The following MARCHF1 variants were observed in gnomAD, a reference collection of about 807,000 sequenced individuals.
The protein encoded by MARCHF1 is E3 ubiquitin-protein ligase MARCHF1.
A neutral mutation model predicts 54.2 loss-of-function variants in MARCHF1; 40 were observed. That is an observed-to-expected ratio of 0.74 (90% CI 0.57 to 0.96). The LOEUF (loss-of-function observed/expected upper bound fraction) is 0.96. MARCHF1 is among the 40% of genes least tolerant of loss of function. MARCHF1 has a pLI of 0.00. For synonymous variants in MARCHF1, 236 were observed against 236.3 expected, an observed-to-expected ratio of 1.00 and a Z score of 0.01; for missense variants, 586 against 656.5, an observed-to-expected ratio of 0.89 and a Z score of 1.17.
chr4:163,906,325 A>T (rs901425370), intron 3 of MARCHF1, among the ~76,000 whole-genome samples: 1 of 152,022 alleles, frequency 6.6e-6, no homozygotes, highest in African/African-American at 2.4e-5. Context: ...GAATATGGGA[A>T]ATGTCCAGGC....
chr4:163,753,617 A>C (rs1199980007), intron 4 of MARCHF1, among the ~76,000 whole-genome samples: 1 of 152,134 alleles, frequency 6.6e-6, no homozygotes, highest in Non-Finnish European at 1.5e-5. Context: ...TCATGGCTGG[A>C]CCTAAAGACG....
At chr4:163,607,607 A>G (rs938354067) in intron 7 of MARCHF1, among the ~76,000 whole-genome samples, 1 of 152,116 alleles carries the variant, frequency 6.6e-6, no homozygotes, top group Admixed American at 6.6e-5. Context: ...AAGTACAGGA[A>G]TGTAACCTAG....
At chr4:164,112,190 A>G (rs1755846160) in intron 1 of MARCHF1, among the ~76,000 whole-genome samples, 1 of 151,906 alleles carries the variant, frequency 6.6e-6, no homozygotes, top group Admixed American at 6.6e-5. Context: ...TTGGATCCTT[A>G]TGTAATCTAA....
chr4:164,026,517 AT>A (rs777515918), intron 2 of MARCHF1, among the ~76,000 whole-genome samples: 35 of 152,000 alleles, frequency 2.3e-4, no homozygotes, highest in South Asian at 4.1e-4. Flanking sequence ...ACACAAAAAA[AT>A]ATTTCAATAA....
intron 3 of MARCHF1, among the ~76,000 whole-genome samples, chr4:163,955,526 G>A (rs1752215462): frequency 6.6e-6 from 1 of 152,084 alleles, no homozygotes; most frequent in Admixed American, 6.6e-5. Context: ...CGTCCTGTCT[G>A]TGACTGTGCT....
chr4:163,882,383 T>C (rs747662266), intron 3 of MARCHF1, among the ~76,000 whole-genome samples: 42 of 152,208 alleles, frequency 2.8e-4, no homozygotes, highest in Non-Finnish European at 1.0e-4. Context: ...CCAGGGAAGA[T>C]AGAACCTTCT....
At chr4:163,805,768 A>C (rs930752116) in intron 4 of MARCHF1, among the ~76,000 whole-genome samples, 2 of 152,118 alleles carry the variant, frequency 1.3e-5, no homozygotes, top group South Asian at 4.1e-4. Flanking sequence ...GACACGATAA[A>C]ATAATTATGA....
chr4:164,101,801 G>T (rs1411057645), intron 2 of MARCHF1, among the ~76,000 whole-genome samples: 2 of 150,042 alleles, frequency 1.3e-5, no homozygotes, highest in Non-Finnish European at 3.0e-5. Flanking sequence ...GGCTTCAGAC[G>T]ATCAAATTAC....
chr4:164,045,729 T>C (rs1754229501), intron 2 of MARCHF1, among the ~76,000 whole-genome samples: 1 of 146,510 alleles, frequency 6.8e-6, no homozygotes, highest in Non-Finnish European at 1.5e-5. Flanking sequence ...AAAAAAAAAC[T>C]AGTCATGTAA....
At position 164,129,337 on chromosome 4, in the gene MARCHF1, G is replaced by A. The variant is rs554785933; in HGVS notation, c.-322-17675C>T. Among the ~76,000 whole-genome samples the A allele has an allele frequency of 3.4e-3, 522 of 152,028 alleles. 4 individuals carry two copies. The highest frequency in any genetic ancestry group is 0.012 in the African/African-American group (488 of 41,482). On this transcript the variant is annotated intron_variant, in intron 1 of 9. Coordinates refer to ENST00000514618, the MANE Select transcript of MARCHF1 (RefSeq NM_001394959.1). The stretch of plus-strand genomic sequence containing the variant: ...TATTAAGGCAATTTTATAGTGGCTT[G>A]GTAATAATCTTTAAGAAAATGTTTA...
intron 5 of MARCHF1, among the ~76,000 whole-genome samples, chr4:163,617,733 G>A (rs1020425179): frequency 6.6e-6 from 1 of 152,014 alleles, no homozygotes; most frequent in Non-Finnish European, 1.5e-5. Flanking sequence ...ACTGAGTAAA[G>A]GTCACCTGTG....
chr4:164,260,049 T>C lies in MARCHF1; in HGVS notation c.-323+123821A>G, dbSNP rs146430430. ...TTTTAACATATAACCGGGGTGAGAA[T>C]CACTGACCTAGTTGTAAGAAGATAA... is the stretch of plus-strand genomic sequence containing the variant. On this transcript the variant is annotated intron_variant, in intron 1 of 9. Transcript: ENST00000514618. Among the ~76,000 whole-genome samples the C allele has an allele frequency of 4.8e-3, 737 of 152,262 alleles. 6 individuals are homozygous for C. The highest frequency in any genetic ancestry group is 0.016 in the African/African-American group (664 of 41,546).
Position 164,338,193 on chromosome 4 carries a change from C to CTTATAACTTATAGACTA in MARCHF1, c.-323+45660_-323+45676dup, listed in dbSNP as rs536604607. Reference sequence around the variant, plus strand: ...TGTTATCACCTAAAACTGTAAGACTCTTATAACTTATAGACTATTATAATG... The same window carrying CTTATAACTTATAGACTA: ...TGTTATCACCTAAAACTGTAAGACTCTTATAACTTATAGACTATTATAACTTATAGACTATTATAATG... On this transcript the variant is annotated intron_variant, in intron 1 of 9. Coordinates refer to ENST00000514618, the MANE Select transcript of MARCHF1 (RefSeq NM_001394959.1). Among the ~76,000 whole-genome samples, 473 of 152,184 alleles carry CTTATAACTTATAGACTA rather than the reference C, an allele frequency of 3.1e-3. 1 individual carries two copies. Among genetic ancestry groups the CTTATAACTTATAGACTA allele is most frequent in the African/African-American group, 0.011 (456 of 41,520 alleles).
chr4:163,717,934 G>A (rs1198837507), intron 4 of MARCHF1, among the ~76,000 whole-genome samples: 2 of 152,112 alleles, frequency 1.3e-5, no homozygotes, highest in Admixed American at 6.6e-5. Flanking sequence ...AAACAGCATG[G>A]TACTGGTACT....
At chr4:164,298,739 T>C (rs549941488) in intron 1 of MARCHF1, among the ~76,000 whole-genome samples, 2 of 152,184 alleles carry the variant, frequency 1.3e-5, no homozygotes, top group South Asian at 4.1e-4. Flanking sequence ...AATGGCACTC[T>C]GGTTATTGGA....
rs920573465 is a variant in MARCHF1, at chr4:163,615,379, T to G, written c.163-1986A>C. 2.6e-5 allele frequency among the ~76,000 whole-genome samples: 4 copies of G among 152,082 alleles called. No homozygotes were observed. In the East Asian group the frequency reaches 7.7e-4, roughly 29 times the overall value. On this transcript the variant is annotated intron_variant, in intron 5 of 9. Coordinates refer to ENST00000514618, the MANE Select transcript of MARCHF1 (RefSeq NM_001394959.1). ...GGAACTGATAAACAGATGCAGTAAA[T>G]TTGCAGGATACACATCAACATACAA...
chr4:163,741,125 C>G (rs1016462147), intron 4 of MARCHF1, among the ~76,000 whole-genome samples: 2 of 152,130 alleles, frequency 1.3e-5, no homozygotes, highest in African/African-American at 4.8e-5. Context: ...GAATTCTTTT[C>G]TACTAGTTAT....
rs200837513 is a variant in MARCHF1, at chr4:163,570,558, C to T, written c.1191+15191G>A. 9.9e-5 allele frequency among the ~76,000 whole-genome samples: 15 copies of T among 152,144 alleles called. No homozygotes were observed. In the East Asian group the frequency reaches 2.7e-3, roughly 27 times the overall value. ...TCCACACACTAAATCTAGATTCTTT[C>T]CACTGTATTTTACCGTATCCCATTA... On this transcript the variant is annotated intron_variant, in intron 8 of 9. Coordinates refer to ENST00000514618, the MANE Select transcript of MARCHF1 (RefSeq NM_001394959.1).
intron 9 of MARCHF1, among the ~76,000 whole-genome samples, chr4:163,545,206 C>T (rs1378414444): frequency 6.6e-6 from 1 of 152,204 alleles, no homozygotes; most frequent in African/African-American, 2.4e-5. Flanking sequence ...CCATCTCCTT[C>T]ATGCTTTAAA....
Sources: allele counts gnomAD v4.1 joint callset (sites outside exome capture counted in the v4.1 genomes callset), GRCh38; gene constraint gnomAD v4.1.1; transcripts MANE v1.5; gene names NCBI Gene and HGNC (gene_info 2026-07-23, HGNC 2026-07-21).